Variants in CALN1 observed in about 807,000 individuals in gnomAD.
CALN1 encodes the protein calcium-binding protein 8.
CALN1 carries 17 observed loss-of-function variants against 30.6 expected under a neutral mutation model. The ratio of observed to expected loss-of-function variants is 0.56; its 90% confidence interval spans 0.38 to 0.83. CALN1 has a LOEUF of 0.83. CALN1 is among the 40% of genes least tolerant of loss of function. CALN1 has a pLI of 0.00. For synonymous variants in CALN1, 156 were observed against 131.4 expected (o/e 1.19, Z -1.28); for missense variants, 291 against 354.9 (o/e 0.82, Z 1.45).
At chr7:71,845,060 T>G (rs1201880028) in intron 5 of CALN1, among the ~76,000 whole-genome samples, 2 of 152,014 alleles carry the variant, frequency 1.3e-5, no homozygotes, top group African/African-American at 4.8e-5. Context: ...ATTTTTCTAT[T>G]TTTAGTACAG....
At chr7:72,146,742 A>C (rs1038868806) in intron 3 of CALN1, among the ~76,000 whole-genome samples, 2 of 152,222 alleles carry the variant, frequency 1.3e-5, no homozygotes, top group African/African-American at 2.4e-5. Flanking sequence ...CAGTAACCAA[A>C]ACAGCATGGT....
chr7:72,078,296 C>T (rs1804886017), intron 4 of CALN1, among the ~76,000 whole-genome samples: 2 of 152,182 alleles, frequency 1.3e-5, no homozygotes, highest in East Asian at 1.9e-4. Flanking sequence ...TAACCAAAAA[C>T]ACATACGACG....
chr7:72,210,253 TC>T (rs944500074), intron 3 of CALN1, among the ~76,000 whole-genome samples: 5 of 151,852 alleles, frequency 3.3e-5, no homozygotes, highest in African/African-American at 4.9e-5. Context: ...TTCCTGTTCT[TC>T]CCCACCCCAC....
chr7:72,170,940 T>A (rs1245270419), intron 3 of CALN1, among the ~76,000 whole-genome samples: 4 of 152,108 alleles, frequency 2.6e-5, no homozygotes, highest in African/African-American at 9.7e-5. Flanking sequence ...GTGGATCACA[T>A]TGAGTCCAGG....
intron 2 of CALN1, among the ~76,000 whole-genome samples, chr7:72,330,479 A>T (rs574842147): frequency 1.4e-3 from 214 of 151,604 alleles, no homozygotes; most frequent in African/African-American, 4.8e-3. Flanking sequence ...AAAAAAAAAA[A>T]AAAAAAAGAG....
intron 4 of CALN1, among the ~76,000 whole-genome samples, chr7:72,078,549 A>G (rs1009143407): frequency 1.3e-5 from 2 of 152,144 alleles, no homozygotes; most frequent in Non-Finnish European, 2.9e-5. Context: ...GAGACAACCA[A>G]ACACTGAAGC....
At chr7:71,823,487 AG>A (rs1197726879) in intron 5 of CALN1, among the ~76,000 whole-genome samples, 1 of 152,192 alleles carries the variant, frequency 6.6e-6, no homozygotes, top group Non-Finnish European at 1.5e-5. Flanking sequence ...TGGGTGGCCA[AG>A]GCAGGCGGAT....
chr7:72,353,903 C>T (rs978701256), intron 2 of CALN1, among the ~76,000 whole-genome samples: 1 of 152,148 alleles, frequency 6.6e-6, no homozygotes, highest in African/African-American at 2.4e-5. Flanking sequence ...TAGCTCCATT[C>T]AGGCCGGGCG....
intron 2 of CALN1, among the ~76,000 whole-genome samples, chr7:72,290,156 C>T (rs2129554816): frequency 8.0e-6 from 1 of 124,850 alleles, no homozygotes; most frequent in East Asian, 2.5e-4. Flanking sequence ...CTCACAAAAT[C>T]CCTTAAAATT....
At chr7:72,259,882 G>A (rs924850444) in intron 3 of CALN1, among the ~76,000 whole-genome samples, 2 of 152,064 alleles carry the variant, frequency 1.3e-5, no homozygotes, top group African/African-American at 4.8e-5. Flanking sequence ...AATCCATTCT[G>A]CAAACCACAA....
chr7:72,473,305 G>A, the CALN1 span, among the ~76,000 whole-genome samples: 741 of 151,918 alleles, frequency 4.9e-3, 8 homozygotes, highest in African/African-American at 0.017. Flanking sequence ...CTCAGGTGCC[G>A]AGGTCTCAGG....
chr7:72,437,200 A>C (rs1029641304), intron 1 of CALN1, among the ~76,000 whole-genome samples: 2 of 152,140 alleles, frequency 1.3e-5, no homozygotes, highest in Non-Finnish European at 2.9e-5. Flanking sequence ...AAATACAGTC[A>C]AGTAGTCTGG....
chr7:72,347,822 A>T (rs1309843579), intron 2 of CALN1, among the ~76,000 whole-genome samples: 3 of 152,130 alleles, frequency 2.0e-5, no homozygotes, highest in African/African-American at 7.2e-5. Context: ...AAGTAATTGC[A>T]GTTTTTGCCA....
intron 2 of CALN1, among the ~76,000 whole-genome samples, chr7:72,383,509 A>AT (rs1805034936): frequency 1.3e-5 from 2 of 151,996 alleles, no homozygotes; most frequent in East Asian, 1.9e-4. Context: ...GATGTGGAGC[A>AT]TTTTTTCATG....
intron 5 of CALN1, among the ~76,000 whole-genome samples, chr7:72,007,403 T>A (rs936960840): frequency 1.3e-5 from 2 of 151,980 alleles, no homozygotes; most frequent in Non-Finnish European, 2.9e-5. Context: ...AAAAATTAGC[T>A]GGGTATGGTG....
chr7:72,369,837 A>T (rs1052340846), intron 2 of CALN1, among the ~76,000 whole-genome samples: 13 of 152,190 alleles, frequency 8.5e-5, no homozygotes, highest in Non-Finnish European at 1.3e-4. Context: ...CCATTGTATG[A>T]ATACACCACA....
Position 72,310,907 on chromosome 7 carries a change from T to TA in CALN1, c.120-32098dup, listed in dbSNP as rs5884884. On this transcript the variant is annotated intron_variant, in intron 2 of 6. Coordinates refer to ENST00000395275, the MANE Select transcript of CALN1 (RefSeq NM_031468.4). ...CTGGCGACAGAGCAAGACTCCGTCT[T>TA]AAAAAAAAAAAAAAAAAAAAACAAA... is the stretch of plus-strand genomic sequence containing the variant. 9.8e-4 allele frequency among the ~76,000 whole-genome samples: 111 copies of TA among 113,700 alleles called. 2 individuals carry two copies. The South Asian group carries it at 0.012, about 12-fold the overall frequency. 74.6% of individuals were successfully genotyped at this position (113,700 alleles called of 152,430 possible).
At chr7:72,192,675 A>C (rs1221146040) in intron 3 of CALN1, among the ~76,000 whole-genome samples, 1 of 133,698 alleles carries the variant, frequency 7.5e-6, no homozygotes, top group East Asian at 2.3e-4. Flanking sequence ...TTATTATTAT[A>C]CTTTAAGTTT....
At chr7:72,013,013 G>A (rs954750404) in intron 5 of CALN1, among the ~76,000 whole-genome samples, 5 of 151,964 alleles carry the variant, frequency 3.3e-5, no homozygotes, top group East Asian at 3.9e-4. Flanking sequence ...GGTCAGGCTG[G>A]TCTCTAACTC....
Sources: allele counts gnomAD v4.1 joint callset (sites outside exome capture counted in the v4.1 genomes callset), GRCh38; gene constraint gnomAD v4.1.1; transcripts MANE v1.5; gene names NCBI Gene and HGNC (gene_info 2026-07-23, HGNC 2026-07-21).